Variants in ANKRD12 observed in about 807,000 individuals in gnomAD.
ANKRD12 encodes ankyrin repeat domain 12.
A neutral mutation model predicts 183.4 loss-of-function variants in ANKRD12; 85 were observed. That is an observed-to-expected ratio of 0.46 (90% CI 0.39 to 0.56). ANKRD12 has a LOEUF of 0.56. Among genes scored for constraint, ANKRD12 ranks in the 20% least tolerant of loss-of-function variants. The pLI is 0.00. For synonymous variants in ANKRD12, 914 were observed against 800.2 expected (o/e 1.14, Z -2.40); for missense variants, 2,405 against 2,357.1 (o/e 1.02, Z -0.42).
chr18:9,240,003 A>T (rs536146291), intron 8 of ANKRD12, among the ~76,000 whole-genome samples: 1 of 152,332 alleles, frequency 6.6e-6, no homozygotes, highest in South Asian at 2.1e-4. Flanking sequence ...GTCTGTCAGT[A>T]CATTGCTTCC....
In ANKRD12 at chr18:9,281,965, T is replaced by G. The variant is rs2040118731; in HGVS notation, c.*839T>G. ...TAGTGTAAGGCATTTCATACTAGTC[T>G]CCTCTAGTAGACCTGTGACTTACTG... On this transcript the variant is annotated 3_prime_UTR_variant, in exon 13 of 13. Coordinates refer to ENST00000262126, the MANE Select transcript of ANKRD12 (RefSeq NM_015208.5). The G allele has an allele frequency of 6.6e-6, 1 of 152,580 alleles. No individual in the cohort carries two copies. The highest frequency in any genetic ancestry group is 2.4e-5 in the African/African-American group (1 of 41,442). 9.5% of individuals were successfully genotyped at this position (152,580 alleles called of 1,614,324 possible).
At chr18:9,160,472 C>T (rs181913776) in intron 1 of ANKRD12, among the ~76,000 whole-genome samples, 1 of 152,330 alleles carries the variant, frequency 6.6e-6, no homozygotes, top group East Asian at 1.9e-4. Flanking sequence ...TGATGTGCAG[C>T]TATTGCCACT....
intron 1 of ANKRD12, among the ~76,000 whole-genome samples, chr18:9,175,448 T>C (rs11663175): frequency 0.11 from 16,615 of 151,630 alleles, 1,082 homozygotes; most frequent in African/African-American, 0.16. Context: ...CAGTGTTCAG[T>C]AGTTTTTCGT....
In ANKRD12 at chr18:9,182,539, A is replaced by G; in HGVS notation, c.87+20A>G. ...AGAAAGGTATATGATTATACTAAAG[A>G]TTTGTTGACTTTTTGAACTGGGAAA... On this transcript the variant is annotated intron_variant, in intron 2 of 12. Coordinates refer to ENST00000262126, the MANE Select transcript of ANKRD12 (RefSeq NM_015208.5). 6.7e-7 allele frequency: 1 copy of G among 1,485,216 alleles called. No individual in the cohort carries two copies. 92.0% of individuals were successfully genotyped at this position (1,485,216 alleles called of 1,614,324 possible).
chr18:9,152,892 G>T (rs189717491), intron 1 of ANKRD12, among the ~76,000 whole-genome samples: 8 of 152,010 alleles, frequency 5.3e-5, no homozygotes, highest in Admixed American at 2.6e-4. Context: ...ATTGATAGGG[G>T]TATTCTTTTA....
chr18:9,208,579 A>G (rs1015844902), intron 4 of ANKRD12, 78 bp from the exon 5 acceptor site: 17 of 1,305,108 alleles, frequency 1.3e-5, no homozygotes, highest in Non-Finnish European at 1.8e-5. Flanking sequence ...TACAGCATCT[A>G]TCAAAAAATT....
At chr18:9,262,786 C>CTTTTTTTTTTTTTTTT (rs775877613) in intron 9 of ANKRD12, among the ~76,000 whole-genome samples, 1 of 87,932 alleles carries the variant, frequency 1.1e-5, no homozygotes, top group Non-Finnish European at 2.3e-5. Flanking sequence ...CCAAGATGTC[C>CTTTTTTTTTTTTTTTT]CTTTTTTTTT....
chr18:9,207,410 AT>A (rs985640289), intron 4 of ANKRD12, among the ~76,000 whole-genome samples: 1 of 152,114 alleles, frequency 6.6e-6, no homozygotes, highest in African/African-American at 2.4e-5. Flanking sequence ...GAAATGTTTA[AT>A]TTTGAAAGAT....
chr18:9,275,397 C>G (rs1273095787), intron 10 of ANKRD12, 127 bp from the exon 11 acceptor site: 1 of 675,156 alleles, frequency 1.5e-6, no homozygotes, highest in Non-Finnish European at 2.3e-6. Flanking sequence ...TGCTTGAACC[C>G]AGGAGGTCAA....
intron 1 of ANKRD12, among the ~76,000 whole-genome samples, chr18:9,178,952 G>A (rs1006010528): frequency 6.6e-6 from 1 of 151,912 alleles, no homozygotes; most frequent in African/African-American, 2.4e-5. Flanking sequence ...ATTGCTTATT[G>A]CTAGTATGTA....
At chr18:9,263,725 A>G in intron 9 of ANKRD12, 65 bp from the exon 10 acceptor site, 2 of 1,233,866 alleles carry the variant, frequency 1.6e-6, no homozygotes, top group Non-Finnish European at 1.1e-6. Context: ...GTTTAATTTT[A>G]AAAGAATAGC....
intron 8 of ANKRD12, among the ~76,000 whole-genome samples, chr18:9,243,015 CTG>C (rs781078135): frequency 1.3e-5 from 2 of 152,306 alleles, no homozygotes; most frequent in East Asian, 1.9e-4. Context: ...AGAAGAGACT[CTG>C]TAAAATTACC....
Position 9,275,316 on chromosome 18 carries a change from A to T in ANKRD12, c.5764-208A>T, listed in dbSNP as rs140349728. Among the ~76,000 whole-genome samples, 1,531 of 151,604 alleles carry T rather than the reference A, an allele frequency of 0.01. 15 individuals carry two copies. Among genetic ancestry groups the T allele is most frequent in the Middle Eastern group, 0.051 (15 of 294 alleles). ...TTTGTCTCTAAAAATATATATATAT[A>T]TTTTTAATTAGCTGTGCTTCATGGC... On this transcript the variant is annotated intron_variant, in intron 10 of 12. Coordinates refer to ENST00000262126, the MANE Select transcript of ANKRD12 (RefSeq NM_015208.5).
At chr18:9,189,891 C>G (rs1481981497) in intron 2 of ANKRD12, among the ~76,000 whole-genome samples, 2 of 152,174 alleles carry the variant, frequency 1.3e-5, no homozygotes, top group Non-Finnish European at 2.9e-5. Flanking sequence ...TGGCTGCTGA[C>G]ATGCAGTCCA....
At position 9,195,902 on chromosome 18, in the gene ANKRD12, TC is replaced by T. The variant is rs1408167160; in HGVS notation, c.235+206del. 3.3e-5 allele frequency among the ~76,000 whole-genome samples: 5 copies of T among 152,266 alleles called. No individual in the cohort carries two copies. In the South Asian group the frequency reaches 6.2e-4, roughly 19 times the overall value. On this transcript the variant is annotated intron_variant, in intron 3 of 12. Coordinates refer to ENST00000262126, the MANE Select transcript of ANKRD12 (RefSeq NM_015208.5). Reference sequence around the variant, plus strand: ...CAGAGATAAAAACAATTTTCTTTATTCCTTACTCTTTGAATGTTTATTGTGA... The same window carrying T: ...CAGAGATAAAAACAATTTTCTTTATTCTTACTCTTTGAATGTTTATTGTGA...
At chr18:9,138,557 T>C (rs563677817) in intron 1 of ANKRD12, among the ~76,000 whole-genome samples, 1 of 152,246 alleles carries the variant, frequency 6.6e-6, no homozygotes, top group Non-Finnish European at 1.5e-5. Context: ...AAAAAACATA[T>C]GCTCAAGTAG....
Position 9,201,121 on chromosome 18 carries a change from C to T in ANKRD12, c.236-3355C>T, listed in dbSNP as rs561550519. Among the ~76,000 whole-genome samples the T allele has an allele frequency of 4.6e-5, 7 of 152,182 alleles. No homozygotes were observed. In the South Asian group the frequency reaches 1.0e-3, roughly 23 times the overall value. ...TACTTTTAGCCGGGCATATTGTTTC[C>T]CTGATCAAAACTGGGGTATTCCTGG... is the stretch of plus-strand genomic sequence containing the variant. On this transcript the variant is annotated intron_variant, in intron 3 of 12. Coordinates refer to ENST00000262126, the MANE Select transcript of ANKRD12 (RefSeq NM_015208.5).
chr18:9,166,384 T>C (rs1242962492), intron 1 of ANKRD12, among the ~76,000 whole-genome samples: 2 of 152,216 alleles, frequency 1.3e-5, no homozygotes, highest in Admixed American at 1.3e-4. Context: ...CAGCACCTGT[T>C]GTTTCCTGAC....
At chr18:9,220,858 AACC>A (rs1213965457) in intron 7 of ANKRD12, among the ~76,000 whole-genome samples, 2 of 152,166 alleles carry the variant, frequency 1.3e-5, no homozygotes, top group Non-Finnish European at 2.9e-5. Flanking sequence ...GTCATAGGGA[AACC>A]ATCATTGGTT....
Sources: allele counts gnomAD v4.1 joint callset (sites outside exome capture counted in the v4.1 genomes callset), GRCh38; gene constraint gnomAD v4.1.1; transcripts MANE v1.5; gene names NCBI Gene and HGNC (gene_info 2026-07-23, HGNC 2026-07-21).